Variants in SPRY3 observed in about 807,000 individuals in gnomAD.
SPRY3 encodes the protein protein sprouty homolog 3.
Under a neutral mutation model 20.2 loss-of-function variants are expected in SPRY3, and 15 were observed. That is an observed-to-expected ratio of 0.74 (90% CI 0.50 to 1.14). The LOEUF (loss-of-function observed/expected upper bound fraction) is 1.14. SPRY3 is among the 50% of genes most tolerant of loss of function. The probability of loss-of-function intolerance (pLI) is 0.00; values close to 1 mark genes in which losing one functional copy is unlikely to be tolerated. For synonymous variants in SPRY3, 143 were observed against 136.5 expected (o/e 1.05, Z -0.33); for missense variants, 364 against 363.9 (o/e 1.00, Z 0.00).
chrX:155,749,143 T>C (rs957257355), intron 2 of SPRY3, among the ~76,000 whole-genome samples: 1 of 151,930 alleles, frequency 6.6e-6, no homozygotes, highest in African/African-American at 2.4e-5. Flanking sequence ...AAAAAGGAAG[T>C]AATCAGAGTT....
chrX:155,760,141 T>A (rs2124590967), intron 2 of SPRY3, among the ~76,000 whole-genome samples: 1 of 152,344 alleles, frequency 6.6e-6, no homozygotes, highest in South Asian at 2.1e-4. Flanking sequence ...AGAGTAGTAA[T>A]CTCTCAGAAA....
chrX:155,763,048 C>T (rs2091310510), intron 2 of SPRY3, among the ~76,000 whole-genome samples: 1 of 152,028 alleles, frequency 6.6e-6, no homozygotes, highest in Non-Finnish European at 1.5e-5. Flanking sequence ...AGAACAAAAT[C>T]ATGTTCTTCG....
chrX:155,752,514 G>T lies in SPRY3; in HGVS notation c.-281-15448G>T, dbSNP rs184946280. Among the ~76,000 whole-genome samples the T allele has an allele frequency of 7.1e-3, 1,069 of 150,224 alleles. 6 individuals carry two copies. The highest frequency in any genetic ancestry group is 0.024 in the African/African-American group (995 of 41,188). On this transcript the variant is annotated intron_variant, in intron 2 of 3. Transcript: ENST00000675360. ...GTTTATGCTATAGGTTTAATGTCTT[G>T]ATATATATATATATAACTATTGATA...
intron 2 of SPRY3, among the ~76,000 whole-genome samples, chrX:155,727,131 C>T (rs1004056153): frequency 6.6e-6 from 1 of 152,130 alleles, no homozygotes; most frequent in African/African-American, 2.4e-5. Flanking sequence ...AATACTGGCC[C>T]CTACTCCCTT....
intron 2 of SPRY3, among the ~76,000 whole-genome samples, chrX:155,767,639 A>T (rs1312092227): frequency 3.9e-5 from 4 of 101,816 alleles, no homozygotes; most frequent in South Asian, 3.5e-4. Context: ...CTGGAGGGGG[A>T]GGGGGAAGAG....
At chrX:155,652,403 C>A (rs1166944527) in intron 1 of SPRY3, among the ~76,000 whole-genome samples, 1 of 110,964 alleles carries the variant, frequency 9.0e-6, no homozygotes, top group African/African-American at 3.3e-5. Flanking sequence ...CAGCCCATTA[C>A]AACCTTTCCC....
In SPRY3 at chrX:155,741,453, C is replaced by A. The variant is rs751660444; in HGVS notation, c.-281-26509C>A. Among the ~76,000 whole-genome samples, 8 of 152,166 alleles carry A rather than the reference C, an allele frequency of 5.3e-5. No homozygotes were observed. The South Asian group carries it at 1.7e-3, about 32-fold the overall frequency. ...TTCACAATATCATCCAGAAGAAATT[C>A]CCCAACCTAGCAAGACAGGCCAACA... On this transcript the variant is annotated intron_variant, in intron 2 of 3. Transcript: ENST00000675360.
At chrX:155,779,430 G>C (rs1391876174), downstream of SPRY3, 2 of 166,872 alleles carry the variant, frequency 1.2e-5, no homozygotes, top group African/African-American at 4.8e-5. Context: ...TACTATGTTT[G>C]CCTTCCTGAA....
Position 155,626,851 on chromosome X carries a change from T to C in SPRY3, c.-441+14204T>C, listed in dbSNP as rs376026119. 3.6e-5 allele frequency among the ~76,000 whole-genome samples: 4 copies of C among 111,820 alleles called. No homozygotes were observed. The East Asian group carries it at 8.4e-4, about 24-fold the overall frequency. On this transcript the variant is annotated intron_variant, in intron 1 of 3. Transcript: ENST00000675360. ...TCAGTTCAATTATCTCAACTCAATATGACCTGAGAAAGCATTAGAATTTGA... is the reference window on the plus strand; with the variant it reads ...TCAGTTCAATTATCTCAACTCAATACGACCTGAGAAAGCATTAGAATTTGA...
chrX:155,673,120 C>G (rs1285258407), intron 2 of SPRY3, among the ~76,000 whole-genome samples: 4 of 95,460 alleles, frequency 4.2e-5, no homozygotes, highest in Admixed American at 3.5e-4. Flanking sequence ...TGCTAAATGA[C>G]AAGTTAATGG....
At position 155,765,382 on chromosome X, in the gene SPRY3, G is replaced by C. The variant is rs143707372; in HGVS notation, c.-281-2580G>C. Among the ~76,000 whole-genome samples, 1,158 of 152,206 alleles carry C rather than the reference G, an allele frequency of 7.6e-3. 18 individuals are homozygous for C. The highest frequency in any genetic ancestry group is 0.027 in the African/African-American group (1,114 of 41,530). On this transcript the variant is annotated intron_variant, in intron 2 of 3. Coordinates refer to ENST00000675360, the Ensembl canonical transcript of SPRY3. The stretch of plus-strand genomic sequence containing the variant: ...AGTTACTTAAGGTCTTTGGACCTTG[G>C]TTTCTCATTTTAAAAATCAGTATAA...
intron 1 of SPRY3, among the ~76,000 whole-genome samples, chrX:155,621,396 G>C (rs868936371): frequency 9.0e-6 from 1 of 110,849 alleles, no homozygotes; most frequent in Non-Finnish European, 1.9e-5. Flanking sequence ...CTTACTGTTG[G>C]TGAGGCAAGA....
chrX:155,635,148 G>C (rs1462926129), intron 1 of SPRY3, among the ~76,000 whole-genome samples: 1 of 109,840 alleles, frequency 9.1e-6, no homozygotes, highest in Non-Finnish European at 1.9e-5. Flanking sequence ...TTGGTTTTTT[G>C]TTTTTGTGTT....
At chrX:155,723,818 T>C (rs1166882044) in intron 2 of SPRY3, among the ~76,000 whole-genome samples, 2 of 152,228 alleles carry the variant, frequency 1.3e-5, no homozygotes, top group Non-Finnish European at 2.9e-5. Context: ...TTGGCTTTTG[T>C]TGCCATTGCT....
At chrX:155,711,892 A>T (rs1344704947) in intron 2 of SPRY3, among the ~76,000 whole-genome samples, 2 of 150,826 alleles carry the variant, frequency 1.3e-5, no homozygotes, top group African/African-American at 2.4e-5. Flanking sequence ...AGGTTTTGGT[A>T]TGTTGTGTTT....
chrX:155,717,169 G>A (rs2091029096), intron 2 of SPRY3, among the ~76,000 whole-genome samples: 1 of 147,484 alleles, frequency 6.8e-6, no homozygotes. Context: ...AAAAAAAAAA[G>A]ATATCATCAA....
chrX:155,747,013 A>G (rs1351052662), intron 2 of SPRY3, among the ~76,000 whole-genome samples: 1 of 151,862 alleles, frequency 6.6e-6, no homozygotes, highest in Non-Finnish European at 1.5e-5. Context: ...ACTCCAAGTA[A>G]ACTTTCAGCC....
At chrX:155,646,053 C>T (rs1176251199) in intron 1 of SPRY3, among the ~76,000 whole-genome samples, 1 of 112,238 alleles carries the variant, frequency 8.9e-6, no homozygotes, top group Non-Finnish European at 1.9e-5. Context: ...AAAAACTATT[C>T]TTCCCTTATT....
intron 2 of SPRY3, among the ~76,000 whole-genome samples, chrX:155,720,394 A>T (rs1002390204): frequency 2.0e-5 from 3 of 152,126 alleles, no homozygotes; most frequent in African/African-American, 4.8e-5. Flanking sequence ...AGGGAAGGAC[A>T]CAGGCCTGTC....
Sources: allele counts gnomAD v4.1 joint callset (sites outside exome capture counted in the v4.1 genomes callset), GRCh38; gene constraint gnomAD v4.1.1; transcripts MANE v1.5; gene names NCBI Gene and HGNC (gene_info 2026-07-23, HGNC 2026-07-21).